Variants in POLK observed in about 807,000 individuals in gnomAD.
POLK encodes the protein DNA polymerase kappa.
POLK carries 76 observed loss-of-function variants against 94.0 expected under a neutral mutation model. The ratio of observed to expected loss-of-function variants is 0.81; its 90% CI spans 0.67 to 0.98. The LOEUF (loss-of-function observed/expected upper bound fraction) is 0.98. Among genes scored for constraint, POLK ranks in the 50% least tolerant of loss-of-function variants. The pLI, the probability that POLK is intolerant of heterozygous loss-of-function variation, is 0.00. For missense variants in POLK, 954 were observed against 1,010.1 expected (o/e 0.94, Z 0.75); for synonymous variants, 349 against 325.4 (o/e 1.07, Z -0.78).
intron 1 of POLK, among the ~76,000 whole-genome samples, chr5:75,520,374 C>T (rs2112533473): frequency 6.6e-6 from 1 of 152,166 alleles, no homozygotes; most frequent in Non-Finnish European, 1.5e-5. Flanking sequence ...ATGTACTTAC[C>T]TTTACCAGAG....
chr5:75,596,624 A>G, exon 13 of POLK: 1 of 1,614,076 alleles, frequency 6.2e-7, no homozygotes, highest in Non-Finnish European at 8.5e-7. Context: ...AAACATGTAG[A>G]TGAATGTCTT....
At chr5:75,574,011 A>T (rs1458551064) in intron 5 of POLK, 142 bp downstream of exon 5, 11 of 686,296 alleles carry the variant, frequency 1.6e-5, no homozygotes, top group Non-Finnish European at 2.3e-5. Flanking sequence ...TTCAGCTTGT[A>T]TATTGAATAC....
chr5:75,573,932 A>C, intron 5 of POLK, 63 bp downstream of exon 5: 512 of 1,520,868 alleles, frequency 3.4e-4, no homozygotes, highest in Non-Finnish European at 4.2e-4. Context: ...ACAGAATCTC[A>C]AGTCCAAGTG....
intron 5 of POLK, among the ~76,000 whole-genome samples, chr5:75,575,278 T>C (rs1469151540): frequency 6.6e-6 from 1 of 152,204 alleles, no homozygotes; most frequent in East Asian, 1.9e-4. Flanking sequence ...ACTCTTGAGT[T>C]AAGCAATCCT....
chr5:75,604,268 G>T (rs1773365580), downstream of POLK, among the ~76,000 whole-genome samples: 1 of 152,056 alleles, frequency 6.6e-6, no homozygotes, highest in African/African-American at 2.4e-5. Flanking sequence ...TTTTGGAGTG[G>T]CTTGGGAGTA....
intron 3 of POLK, among the ~76,000 whole-genome samples, chr5:75,562,451 G>T (rs1215578826): frequency 1.3e-5 from 2 of 152,144 alleles, no homozygotes. Flanking sequence ...CATGTCACCT[G>T]CAAACAGAGG....
rs1443229839 is a variant in POLK, at chr5:75,539,498, CTTTCT to C, written c.-13-7503_-13-7499del. On this transcript the variant is annotated intron_variant, in intron 1 of 14. Coordinates refer to ENST00000241436, the Ensembl canonical transcript of POLK. ...AGTGTTCACACAAATATTTCTTTTT[CTTTCT>C]TTTCTTTTTTTTGAAACAGGGTGTC... Among the ~76,000 whole-genome samples the C allele has an allele frequency of 3.3e-5, 5 of 152,150 alleles. No homozygotes were observed. In the East Asian group the frequency reaches 7.7e-4, roughly 24 times the overall value.
intron 1 of POLK, among the ~76,000 whole-genome samples, chr5:75,543,558 G>T (rs759411367): frequency 2.0e-5 from 3 of 152,180 alleles, no homozygotes; most frequent in Admixed American, 2.0e-4. Flanking sequence ...GATGGAGGCA[G>T]ATGAAAAGAT....
chr5:75,590,272 C>G, intron 10 of POLK, 72 bp from the exon 11 acceptor site: 2 of 701,272 alleles, frequency 2.9e-6, no homozygotes, highest in South Asian at 5.1e-5. Context: ...GCCATATAAA[C>G]ATGCATACCA....
chr5:75,559,533 T>TTG (rs1314324629), intron 3 of POLK, among the ~76,000 whole-genome samples: 5 of 133,726 alleles, frequency 3.7e-5, no homozygotes, highest in African/African-American at 1.1e-4. Flanking sequence ...GTTTTTTTTT[T>TTG]TTTTTTTTTT....
chr5:75,573,794 T>C, exon 5 of POLK: 2 of 1,613,144 alleles, frequency 1.2e-6, no homozygotes, highest in Non-Finnish European at 1.7e-6. Context: ...TGCCAGGATT[T>C]ATTGCTAAGA....
intron 3 of POLK, among the ~76,000 whole-genome samples, chr5:75,562,971 T>G (rs1163190035): frequency 2.0e-5 from 3 of 152,160 alleles, no homozygotes; most frequent in South Asian, 4.1e-4. Flanking sequence ...CTGAAATTTT[T>G]TTGTTGTTGT....
intron 1 of POLK, among the ~76,000 whole-genome samples, chr5:75,541,513 A>T (rs1282475653): frequency 6.6e-6 from 1 of 152,168 alleles, no homozygotes; most frequent in Non-Finnish European, 1.5e-5. Flanking sequence ...TCTTCACTAG[A>T]ACCAATTAAA....
intron 3 of POLK, among the ~76,000 whole-genome samples, chr5:75,557,933 T>G (rs1332464341): frequency 6.6e-6 from 1 of 152,054 alleles, no homozygotes; most frequent in African/African-American, 2.4e-5. Context: ...GGATTAGAGA[T>G]GCTCACTGCC....
chr5:75,559,529 T>G (rs1046081705), intron 3 of POLK, among the ~76,000 whole-genome samples: 35 of 121,624 alleles, frequency 2.9e-4, no homozygotes, highest in South Asian at 8.4e-4. Flanking sequence ...TTTTGTTTTT[T>G]TTTTTTTTTT....
intron 1 of POLK, among the ~76,000 whole-genome samples, chr5:75,540,361 C>T (rs939995144): frequency 6.6e-6 from 1 of 151,750 alleles, no homozygotes; most frequent in Non-Finnish European, 1.5e-5. Flanking sequence ...GGCTGGAGTG[C>T]AGTGGCATAA....
intron 3 of POLK, among the ~76,000 whole-genome samples, chr5:75,563,300 G>C (rs1026665955): frequency 3.3e-5 from 5 of 152,054 alleles, no homozygotes; most frequent in Non-Finnish European, 5.9e-5. Flanking sequence ...TTGGTTGGTA[G>C]TCTGGCTAGC....
At chr5:75,543,158 T>C (rs192986371) in intron 1 of POLK, among the ~76,000 whole-genome samples, 6 of 152,010 alleles carry the variant, frequency 3.9e-5, no homozygotes, top group Non-Finnish European at 7.4e-5. Flanking sequence ...TTCTCCTGTC[T>C]CAGCCTCCTG....
At chr5:75,530,293 A>AGGCTGGAG (rs1451009113) in intron 1 of POLK, among the ~76,000 whole-genome samples, 1 of 119,298 alleles carries the variant, frequency 8.4e-6, no homozygotes, top group Non-Finnish European at 1.6e-5. Flanking sequence ...TTTGTCACCC[A>AGGCTGGAG]GGCTGGAGTG....
Sources: gnomAD v4.1 joint callset for allele counts (sites outside exome capture counted in the v4.1 genomes callset) on GRCh38, gnomAD v4.1.1 for gene constraint, MANE v1.5 for transcripts, NCBI Gene and HGNC (gene_info 2026-07-23, HGNC 2026-07-21) for gene names.